LGMN: variants seen among roughly 807,000 people sequenced by gnomAD.
LGMN encodes asparaginyl endopeptidase.
Under a neutral mutation model 56.8 loss-of-function variants are expected in LGMN, and 36 were observed. That is an observed-to-expected ratio of 0.63 (90% CI 0.49 to 0.84). The LOEUF is 0.84. Among genes scored for constraint, LGMN ranks in the 40% least tolerant of loss-of-function variants. The pLI, the probability that LGMN is intolerant of heterozygous loss-of-function variation, is 0.00. For synonymous variants in LGMN, 199 were observed against 210.1 expected (o/e 0.95, Z 0.46); for missense variants, 446 against 556.1 (o/e 0.80, Z 1.99).
chr14:92,745,064 G>A (rs1242097), intron 1 of LGMN, among the ~76,000 whole-genome samples: 13,199 of 152,240 alleles, frequency 0.087, 716 homozygotes, highest in African/African-American at 0.16. Context: ...CTGGGAGGCC[G>A]AAGCCAGAGG....
At chr14:92,711,629 G>C (rs555944473) in intron 10 of LGMN, 30 bp downstream of exon 10, 3 of 1,585,804 alleles carry the variant, frequency 1.9e-6, no homozygotes, top group East Asian at 4.5e-5. Context: ...ACAAGGAACA[G>C]AGGGCCAGCA....
intron 2 of LGMN, among the ~76,000 whole-genome samples, chr14:92,726,648 G>A (rs1890756387): frequency 6.6e-6 from 1 of 152,118 alleles, no homozygotes; most frequent in Admixed American, 6.6e-5. Context: ...GTTGCTGACT[G>A]GGCCTTCTCC....
chr14:92,704,487 G>T lies in LGMN; in HGVS notation c.1260-126C>A, dbSNP rs965789243. ...CCGCCCAGCAGCTGTCACTGAGAAC[G>T]TGGCTTCTGGACCCTGCTGACAAAT... On this transcript the variant is annotated intron_variant, in intron 13 of 13. Transcript: ENST00000334869. 7.7e-6 allele frequency: 8 copies of T among 1,045,356 alleles called. No homozygotes were observed. The East Asian group carries it at 1.7e-4, about 22-fold the overall frequency. The allele number at this position is 1,045,356 out of a possible 1,614,324, so 64.8% of individuals were successfully genotyped here. A position where few individuals can be genotyped will look rare whatever the true frequency, so the allele number is the denominator to read the frequency against.
chr14:92,745,998 T>A (rs922461919), intron 1 of LGMN, among the ~76,000 whole-genome samples: 3 of 152,122 alleles, frequency 2.0e-5, no homozygotes, highest in African/African-American at 7.2e-5. Context: ...ATTTCTGTAT[T>A]TTTTAGTAGA....
In LGMN at chr14:92,716,213, G is replaced by T. The variant is rs148859913; in HGVS notation, c.327C>A (p.Thr109=). 3.1e-6 allele frequency: 5 copies of T among 1,612,514 alleles called. No homozygotes were observed. The highest frequency in any genetic ancestry group is 4.2e-6 in the Non-Finnish European group (5 of 1,178,664). Reference sequence around the variant, plus strand: ...TCAACACAGCAAGGAAATTTTGTGGGGTAACATCCTACAAAGAATTAGGAG... The same window carrying T: ...TCAACACAGCAAGGAAATTTTGTGGTGTAACATCCTACAAAGAATTAGGAG... ...VPKDYTGEDV[T]PQNFLAVLRG... is the part of the protein sequence containing the mutation. Residue 109 remains threonine, a synonymous_variant, in exon 5 of 14, where the codon ACC becomes ACA. Transcript: ENST00000334869.
At position 92,709,783 on chromosome 14, in the gene LGMN, G is replaced by C; in HGVS notation, c.909C>G (p.Asp303Glu). Residue 303 changes from aspartate to glutamate, a missense_variant, in exon 11 of 14, where the codon GAC becomes GAG. Asp to Glu is a conservative substitution (Grantham distance 45). Coordinates refer to ENST00000334869, the MANE Select transcript of LGMN (RefSeq NM_005606.7). ...PVPLPPVTHL[D>E]LTPSPDVPLT... ...GAGGCACATCAGGGCTGGGGGTGAG[G>C]TCAAGGTGTGTGACTGGAGGTAGGG... 1 of 1,614,056 alleles carries C rather than the reference G, an allele frequency of 6.2e-7. No homozygotes were observed. Among genetic ancestry groups the C allele is most frequent in the Non-Finnish European group, 8.5e-7 (1 of 1,179,932 alleles).
At chr14:92,729,895 C>A (rs553966474) in intron 2 of LGMN, among the ~76,000 whole-genome samples, 1 of 152,164 alleles carries the variant, frequency 6.6e-6, no homozygotes, top group African/African-American at 2.4e-5. Context: ...TACTCGGGGA[C>A]GAATATTTCA....
chr14:92,712,012 C>T, intron 8 of LGMN, 57 bp from the exon 9 acceptor site: 1 of 1,318,122 alleles, frequency 7.6e-7, no homozygotes, highest in Non-Finnish European at 1.1e-6. Flanking sequence ...TTGGATTACG[C>T]TTGAAGCTTG....
intron 1 of LGMN, among the ~76,000 whole-genome samples, chr14:92,734,342 G>A (rs573433814): frequency 7.9e-5 from 12 of 152,232 alleles, no homozygotes; most frequent in Non-Finnish European, 1.2e-4. Context: ...TACTGAGGCC[G>A]GGCGTGGTGG....
At chr14:92,729,480 G>A (rs868508000) in intron 2 of LGMN, among the ~76,000 whole-genome samples, 26 of 40,302 alleles carry the variant, frequency 6.5e-4, no homozygotes, top group East Asian at 1.3e-3. Context: ...CCCCCCCCCC[G>A]CCCCCGTTAA....
chr14:92,742,661 T>C (rs61197109), intron 1 of LGMN, among the ~76,000 whole-genome samples: 13,719 of 152,104 alleles, frequency 0.09, 832 homozygotes, highest in African/African-American at 0.16. Context: ...CTTAGGAGGC[T>C]GAGGTAGAAG....
At chr14:92,730,352 C>A (rs939623610) in intron 2 of LGMN, among the ~76,000 whole-genome samples, 1 of 152,064 alleles carries the variant, frequency 6.6e-6, no homozygotes, top group East Asian at 1.9e-4. Flanking sequence ...TCATTCATTC[C>A]GTGAATGTAA....
chr14:92,738,062 A>G (rs1891383294), intron 1 of LGMN, among the ~76,000 whole-genome samples: 1 of 152,158 alleles, frequency 6.6e-6, no homozygotes, highest in African/African-American at 2.4e-5. Context: ...CCTCATATTT[A>G]GGAGAAAAAT....
chr14:92,746,043 G>C (rs908615968), intron 1 of LGMN, among the ~76,000 whole-genome samples: 5 of 152,098 alleles, frequency 3.3e-5, no homozygotes, highest in African/African-American at 1.2e-4. Context: ...GGATGGTCTT[G>C]ATCTCCTGAC....
chr14:92,709,896 G>A (rs894421271), intron 10 of LGMN, 24 bp from the exon 11 acceptor site: 3 of 1,556,920 alleles, frequency 1.9e-6, no homozygotes, highest in Non-Finnish European at 2.6e-6. Flanking sequence ...CAGCAAGAGA[G>A]AGCGAGAGAG....
chr14:92,704,771 T>C (rs1479684031), intron 12 of LGMN, 64 bp from the exon 13 acceptor site: 1 of 1,347,588 alleles, frequency 7.4e-7, no homozygotes, highest in African/African-American at 1.4e-5. Context: ...ACTCCACTTT[T>C]GCAATTGCAG....
intron 1 of LGMN, among the ~76,000 whole-genome samples, chr14:92,739,245 C>G (rs981594701): frequency 6.6e-6 from 1 of 152,160 alleles, no homozygotes; most frequent in Non-Finnish European, 1.5e-5. Context: ...CACCAATAAT[C>G]TGGCAGCATC....
At chr14:92,733,411 A>C (rs1891152556) in intron 1 of LGMN, among the ~76,000 whole-genome samples, 1 of 151,862 alleles carries the variant, frequency 6.6e-6, no homozygotes, top group African/African-American at 2.4e-5. Flanking sequence ...AAAGTTTTTG[A>C]CGTAACTCAA....
intron 13 of LGMN, 29 bp from the exon 14 acceptor site, chr14:92,704,390 G>A (rs764771097): frequency 8.3e-5 from 130 of 1,561,984 alleles, no homozygotes; most frequent in Non-Finnish European, 1.1e-4. Flanking sequence ...AGAACTTGGT[G>A]AACCGTGTCA....
Sources: gnomAD v4.1 joint callset for allele counts (sites outside exome capture counted in the v4.1 genomes callset) on GRCh38, gnomAD v4.1.1 for gene constraint, MANE v1.5 for transcripts, NCBI Gene and HGNC (gene_info 2026-07-23, HGNC 2026-07-21) for gene names.